Variants in COTL1 observed in about 807,000 individuals in gnomAD.
The protein encoded by COTL1 is coactosin like F-actin binding protein 1.
In COTL1, 15 loss-of-function variants were observed where a neutral mutation model predicts 16.5. The observed-to-expected ratio is 0.91, with a 90% CI of 0.61 to 1.40. The LOEUF is 1.40. Among genes scored for constraint, COTL1 ranks in the 40% most tolerant of loss-of-function variants. The pLI, the probability that COTL1 is intolerant of heterozygous loss-of-function variation, is 0.00. For missense variants in COTL1, 220 were observed against 201.5 expected (o/e 1.09, Z -0.56); for synonymous variants, 112 against 85.3 (o/e 1.31, Z -1.73).
At chr16:84,576,948 C>T (rs952609114) in intron 3 of COTL1, 4 of 152,172 alleles carry the variant, frequency 2.6e-5, no homozygotes, top group Middle Eastern at 3.2e-3. Flanking sequence ...GTGTCTTTTC[C>T]ACAAGTGGGT....
At chr16:84,613,621 A>G (rs1219937795) in intron 2 of COTL1, among the ~76,000 whole-genome samples, 1 of 152,226 alleles carries the variant, frequency 6.6e-6, no homozygotes, top group Non-Finnish European at 1.5e-5. Context: ...TGACTTGATT[A>G]GAAATGTACT....
At chr16:84,595,742 G>A (rs1440465209) in intron 2 of COTL1, 2 of 152,110 alleles carry the variant, frequency 1.3e-5, no homozygotes, top group African/African-American at 4.8e-5. Context: ...GTATATATTT[G>A]TGTATGTGTA....
intron 3 of COTL1, among the ~76,000 whole-genome samples, chr16:84,587,547 C>G (rs746492772): frequency 6.6e-6 from 1 of 152,122 alleles, no homozygotes; most frequent in African/African-American, 2.4e-5. Context: ...TGAACCAGGA[C>G]ACTCTGCTAC....
intron 3 of COTL1, among the ~76,000 whole-genome samples, chr16:84,571,872 G>A (rs1904342823): frequency 6.6e-6 from 1 of 152,222 alleles, no homozygotes; most frequent in Non-Finnish European, 1.5e-5. Context: ...CAACTCTGCA[G>A]GGGCCCAGGT....
rs971485238 is a variant in COTL1, at chr16:84,596,457, T to C, written c.161-6195A>G. ...TGAAAAAGAAATGAGATCTGAAGGG[T>C]TGGCTGATGGGAATCATTGCTGATT... On this transcript the variant is annotated intron_variant, in intron 2 of 3. Transcript: ENST00000262428. 2.6e-5 allele frequency: 4 copies of C among 152,198 alleles called. No individual in the cohort carries two copies. In the East Asian group the frequency reaches 5.8e-4, roughly 22 times the overall value. The allele number at this position is 152,198 out of a possible 1,614,324, so 9.4% of individuals were successfully genotyped here.
rs549999558 is a variant in COTL1, at chr16:84,592,023, C to A, written c.161-1761G>T. ...GCCAGATCATTCTCTCTGGTAGGAA[C>A]CATCCCGTAAATTGCAGGGTGCTGA... On this transcript the variant is annotated intron_variant, in intron 2 of 3. Coordinates refer to ENST00000262428, the MANE Select transcript of COTL1 (RefSeq NM_021149.5). 1.8e-3 allele frequency among the ~76,000 whole-genome samples: 281 copies of A among 152,306 alleles called. 1 individual carries two copies. Among genetic ancestry groups the A allele is most frequent in the African/African-American group, 6.3e-3 (261 of 41,560 alleles).
At chr16:84,592,641 T>C (rs1188905744) in intron 2 of COTL1, among the ~76,000 whole-genome samples, 1 of 150,406 alleles carries the variant, frequency 6.6e-6, no homozygotes, top group Non-Finnish European at 1.5e-5. Flanking sequence ...TCCTAGAATC[T>C]AAGTACGTCC....
At chr16:84,603,089 G>A (rs77420964) in intron 2 of COTL1, among the ~76,000 whole-genome samples, 1,612 of 152,182 alleles carry the variant, frequency 0.011, 30 homozygotes, top group African/African-American at 0.037. Context: ...ATGGCCCAGC[G>A]ACTTCCCCTC....
At chr16:84,611,917 G>A (rs1432460171) in intron 2 of COTL1, among the ~76,000 whole-genome samples, 1 of 152,042 alleles carries the variant, frequency 6.6e-6, no homozygotes, top group Non-Finnish European at 1.5e-5. Context: ...AACCGGTCTG[G>A]CAAATGGCCC....
intron 3 of COTL1, among the ~76,000 whole-genome samples, chr16:84,582,305 T>C (rs968605916): frequency 2.0e-5 from 3 of 152,156 alleles, no homozygotes; most frequent in African/African-American, 7.2e-5. Context: ...CATTTCTTAA[T>C]TTTTAAAAAT....
intron 2 of COTL1, among the ~76,000 whole-genome samples, chr16:84,617,069 C>A (rs1905505047): frequency 6.6e-6 from 1 of 152,192 alleles, no homozygotes; most frequent in African/African-American, 2.4e-5. Flanking sequence ...CACGGGCAGA[C>A]AATGATAGCG....
At chr16:84,572,436 A>G (rs114919993) in intron 3 of COTL1, among the ~76,000 whole-genome samples, 5 of 152,336 alleles carry the variant, frequency 3.3e-5, no homozygotes, top group African/African-American at 1.2e-4. Flanking sequence ...TCCAGGGCCT[A>G]GAGCAATGCG....
intron 2 of COTL1, among the ~76,000 whole-genome samples, chr16:84,598,258 A>G (rs1597180021): frequency 6.6e-6 from 1 of 152,024 alleles, no homozygotes; most frequent in Non-Finnish European, 1.5e-5. Context: ...AAAGAGCCGG[A>G]CCCTTCCTTC....
chr16:84,616,863 A>G (rs888935950), intron 2 of COTL1, among the ~76,000 whole-genome samples: 3 of 152,172 alleles, frequency 2.0e-5, no homozygotes, highest in African/African-American at 7.2e-5. Flanking sequence ...CTACAGAGAC[A>G]TTTTCAGCTC....
chr16:84,617,928 CA>C lies in COTL1; in HGVS notation c.-15del, dbSNP rs556688347. 1,173 of 1,547,996 alleles carry C rather than the reference CA, an allele frequency of 7.6e-4. 7 individuals are homozygous for C. In the African/African-American group the frequency reaches 9.0e-3, roughly 12 times the overall value. ...CTTGGTGGCCATCGCCGCGGAGCCG[CA>C]GCGGGACACTGTCCGGGGCGGCCGA... On this transcript the variant is annotated 5_prime_UTR_variant, in exon 1 of 4. Coordinates refer to ENST00000262428, the MANE Select transcript of COTL1 (RefSeq NM_021149.5).
At chr16:84,584,211 C>G (rs927931766) in intron 3 of COTL1, among the ~76,000 whole-genome samples, 1 of 152,246 alleles carries the variant, frequency 6.6e-6, no homozygotes, top group Non-Finnish European at 1.5e-5. Context: ...GCGCATTCCC[C>G]GGACTGGAGT....
intron 2 of COTL1, among the ~76,000 whole-genome samples, chr16:84,603,490 T>A (rs560331092): frequency 6.6e-6 from 1 of 150,742 alleles, no homozygotes; most frequent in African/African-American, 2.4e-5. Context: ...CCCCTGGAGG[T>A]CTCCTCATCG....
intron 3 of COTL1, among the ~76,000 whole-genome samples, chr16:84,572,646 G>C: frequency 6.6e-6 from 1 of 152,152 alleles, no homozygotes; most frequent in East Asian, 1.9e-4. Flanking sequence ...TTTTTCTGTA[G>C]AGACGTGGTT....
intron 2 of COTL1, among the ~76,000 whole-genome samples, chr16:84,591,200 T>TC (rs1904851831): frequency 6.6e-6 from 1 of 150,944 alleles, no homozygotes; most frequent in South Asian, 2.1e-4. Flanking sequence ...TTTTTTTTTT[T>TC]TGAGACAGAG....
Sources: allele counts gnomAD v4.1 joint callset (sites outside exome capture counted in the v4.1 genomes callset), GRCh38; gene constraint gnomAD v4.1.1; transcripts MANE v1.5; gene names NCBI Gene and HGNC (gene_info 2026-07-23, HGNC 2026-07-21).